Variants in NBN observed in about 807,000 individuals in gnomAD.
The protein encoded by NBN is Nijmegen breakage syndrome 1 (nibrin).
A neutral mutation model predicts 90.8 loss-of-function variants in NBN; 88 were observed. That is an observed-to-expected ratio of 0.97 (90% CI 0.82 to 1.16). The LOEUF is 1.16. NBN is among the 50% of genes most tolerant of loss of function. The pLI is 0.00. For missense variants in NBN, 894 were observed against 869.6 expected (o/e 1.03, Z -0.35); for synonymous variants, 328 against 295.1 (o/e 1.11, Z -1.14).
At chr8:89,974,103 C>T (rs1168545538) in intron 5 of NBN, among the ~76,000 whole-genome samples, 1 of 152,080 alleles carries the variant, frequency 6.6e-6, no homozygotes, top group Non-Finnish European at 1.5e-5. Context: ...TTTGCAAATA[C>T]AGAATTTTTC....
chr8:89,984,601 G>A lies in NBN; in HGVS notation c.-40C>T, dbSNP rs730881843. 7 of 1,610,644 alleles carry A rather than the reference G, an allele frequency of 4.3e-6. No homozygotes were observed. Among genetic ancestry groups the A allele is most frequent in the Non-Finnish European group, 5.9e-6 (7 of 1,178,904 alleles). ...AGGGCTGGGGCCGACGTGCAACCGCGTAACCGGGGCTGCTAGACGAGCGCG... is the reference window on the plus strand; with the variant it reads ...AGGGCTGGGGCCGACGTGCAACCGCATAACCGGGGCTGCTAGACGAGCGCG... On this transcript the variant is annotated 5_prime_UTR_variant, in exon 1 of 16. The change creates a new upstream start codon in the 5' untranslated region. Transcript: ENST00000265433.
chr8:89,980,795 A>G lies in NBN; in HGVS notation c.419T>C (p.Val140Ala), dbSNP rs752672571. 1.2e-6 allele frequency: 2 copies of G among 1,613,614 alleles called. No individual in the cohort carries two copies. Among genetic ancestry groups the G allele is most frequent in the Admixed American group, 1.7e-5 (1 of 60,024 alleles). Residue 140 changes from valine (V) to alanine (A), a missense_variant, in exon 4 of 16, where the codon GTA (valine) becomes GCA (alanine). Physicochemically the swap from Val to Ala is moderately conservative, Grantham distance 64. Transcript: ENST00000265433. ...QAILQLGGFT[V>A]NNWTEECTHL... is the part of the protein sequence containing the mutation. Reference sequence around the variant, plus strand: ...AGTGCATTCTTCTGTCCAATTGTTTACAGTAAATCCTCCAAGTTGCAATAT... The same window carrying G: ...AGTGCATTCTTCTGTCCAATTGTTTGCAGTAAATCCTCCAAGTTGCAATAT...
At chr8:89,971,428 A>T in intron 5 of NBN, 138 bp from the exon 6 acceptor site, 2 of 1,036,986 alleles carry the variant, frequency 1.9e-6, no homozygotes, top group Non-Finnish European at 2.6e-6. Flanking sequence ...TAAGAATTTT[A>T]TCTGGGACAA....
chr8:89,964,941 T>C (rs1045429773), intron 7 of NBN, among the ~76,000 whole-genome samples: 1 of 151,720 alleles, frequency 6.6e-6, no homozygotes, highest in Non-Finnish European at 1.5e-5. Context: ...TGGTAAAACC[T>C]CATCTCTACT....
At chr8:89,958,058 C>T (rs1361601806) in intron 9 of NBN, among the ~76,000 whole-genome samples, 1 of 152,142 alleles carries the variant, frequency 6.6e-6, no homozygotes, top group African/African-American at 2.4e-5. Context: ...GATCATCAGG[C>T]ATTAGATTAT....
At chr8:89,960,451 G>A (rs1327150754) in intron 8 of NBN, among the ~76,000 whole-genome samples, 2 of 152,082 alleles carry the variant, frequency 1.3e-5, no homozygotes, top group East Asian at 1.9e-4. Flanking sequence ...GGAGTTAAGA[G>A]ACCAACCTGG....
intron 5 of NBN, among the ~76,000 whole-genome samples, chr8:89,975,425 GTTAA>G (rs1257410613): frequency 1.3e-5 from 2 of 152,122 alleles, no homozygotes; most frequent in South Asian, 2.1e-4. Context: ...TCTTTTTTCT[GTTAA>G]TTGAGTACTC....
intron 5 of NBN, among the ~76,000 whole-genome samples, chr8:89,977,443 G>A (rs1407156253): frequency 6.6e-6 from 1 of 152,126 alleles, no homozygotes; most frequent in African/African-American, 2.4e-5. Context: ...GTGTATATGT[G>A]CATAGGTATG....
In NBN at chr8:89,955,385, G is replaced by C. The variant is rs1258938703; in HGVS notation, c.1295C>G (p.Ser432Ter). The change falls in exon 10 of 16, where the codon TCA (serine) becomes TGA (stop). Residue 432 changes from serine (S) to a stop codon, truncating the protein, a stop_gained. Coordinates refer to ENST00000265433, the MANE Select transcript of NBN (RefSeq NM_002485.5). LOFTEE classifies it high-confidence loss of function. Reference sequence around the variant, plus strand: ...ATTTATACTTGGCAATTTAGTTGGTGAAAGCTGATAGTTTGGGATTCTCAT... The same window carrying C: ...ATTTATACTTGGCAATTTAGTTGGTCAAAGCTGATAGTTTGGGATTCTCAT... ...AKMRIPNYQL[S>*]PTKLPSINKS... 1 of 1,613,566 alleles carries C rather than the reference G, an allele frequency of 6.2e-7. No individual in the cohort carries two copies.
At chr8:89,979,761 T>C (rs1811965733) in intron 4 of NBN, among the ~76,000 whole-genome samples, 1 of 152,164 alleles carries the variant, frequency 6.6e-6, no homozygotes, top group South Asian at 2.1e-4. Context: ...AATGGAGCAA[T>C]TCACAAGGTG....
chr8:89,966,436 A>G (rs972857984), intron 7 of NBN, among the ~76,000 whole-genome samples: 2 of 152,212 alleles, frequency 1.3e-5, no homozygotes, highest in African/African-American at 4.8e-5. Flanking sequence ...TTAAGTGACA[A>G]TATCATTCAT....
At position 89,946,146 on chromosome 8, in the gene NBN, G is replaced by A. The variant is rs1810174298; in HGVS notation, c.2064C>T (p.Phe688=). 1 of 1,581,766 alleles carries A rather than the reference G, an allele frequency of 6.3e-7. No homozygotes were observed. Among genetic ancestry groups the A allele is most frequent in the Admixed American group, 1.7e-5 (1 of 59,806 alleles). Residue 688 remains phenylalanine (F), a synonymous_variant, in exon 13 of 16, where the codon TTC becomes TTT. Transcript: ENST00000265433. Reference sequence around the variant, plus strand: ...ATACAGTTGAAATACCTACCTTTTTGAATTTCTTGAAATTTTTTAGTTGAC... The same window carrying A: ...ATACAGTTGAAATACCTACCTTTTTAAATTTCTTGAAATTTTTTAGTTGAC... ...DYGQLKNFKK[F]KKVTYPGAGK...
At chr8:89,937,157 C>G in intron 14 of NBN, 82 bp from the exon 15 acceptor site, 1 of 1,317,474 alleles carries the variant, frequency 7.6e-7, no homozygotes, top group Non-Finnish European at 1.1e-6. Flanking sequence ...AGGTCACTGT[C>G]ATCTTAGAGA....
chr8:89,970,623 A>G, intron 6 of NBN, 66 bp from the exon 7 acceptor site: 1 of 1,456,216 alleles, frequency 6.9e-7, no homozygotes, highest in South Asian at 1.2e-5. Context: ...TAAGAATTTG[A>G]TTTGGGAAAC....
chr8:89,974,621 G>A (rs1304470689), intron 5 of NBN, among the ~76,000 whole-genome samples: 1 of 152,194 alleles, frequency 6.6e-6, no homozygotes, highest in Non-Finnish European at 1.5e-5. Context: ...CCATAGGGAA[G>A]ACGTAGAGGG....
chr8:89,978,076 C>CA, intron 5 of NBN, 144 bp downstream of exon 5: 2 of 727,084 alleles, frequency 2.8e-6, no homozygotes, highest in Non-Finnish European at 4.5e-6. Context: ...TACAAACTAA[C>CA]AAAAAACCTT....
chr8:89,981,609 A>AC, intron 2 of NBN, 86 bp from the exon 3 acceptor site: 2 of 1,462,178 alleles, frequency 1.4e-6, no homozygotes, highest in Non-Finnish European at 1.9e-6. Context: ...AAAAGACAAT[A>AC]GGCAGGTGGC....
chr8:89,961,046 G>A (rs914732182), intron 8 of NBN, among the ~76,000 whole-genome samples: 1 of 152,096 alleles, frequency 6.6e-6, no homozygotes, highest in Non-Finnish European at 1.5e-5. Flanking sequence ...TGTTTCTGTA[G>A]GAAATAATAC....
chr8:89,968,520 A>G (rs766547841), intron 7 of NBN, among the ~76,000 whole-genome samples: 2 of 152,208 alleles, frequency 1.3e-5, no homozygotes, highest in Non-Finnish European at 2.9e-5. Context: ...CCACAACAGT[A>G]AATAATATAT....
Sources: gnomAD v4.1 joint callset for allele counts (sites outside exome capture counted in the v4.1 genomes callset) on GRCh38, gnomAD v4.1.1 for gene constraint, MANE v1.5 for transcripts, NCBI Gene and HGNC (gene_info 2026-07-23, HGNC 2026-07-21) for gene names.